Variants in LRTM1 observed in about 807,000 individuals in gnomAD.
LRTM1 encodes leucine-rich repeat and transmembrane domain-containing protein 1.
Under a neutral mutation model 32.4 loss-of-function variants are expected in LRTM1, and 38 were observed. The ratio of observed to expected loss-of-function variants is 1.17; its 90% CI spans 0.91 to 1.54. The LOEUF (loss-of-function observed/expected upper bound fraction) is 1.54, where lower values mean the gene tolerates loss of function less well. Ranked by LOEUF, LRTM1 falls within the 40% of genes most tolerant of loss-of-function variation. The pLI is 0.00. For missense variants in LRTM1, 466 were observed against 415.4 expected, an observed-to-expected ratio of 1.12 and a Z score of -1.06; for synonymous variants, 186 against 169.9, an observed-to-expected ratio of 1.09 and a Z score of -0.74.
intron 1 of LRTM1, among the ~76,000 whole-genome samples, chr3:54,945,568 G>A (rs1337712547): frequency 1.3e-5 from 2 of 152,094 alleles, no homozygotes; most frequent in Non-Finnish European, 2.9e-5. Flanking sequence ...CCACTTATTA[G>A]CACCATAACC....
chr3:54,936,331 G>T (rs2106969920), intron 1 of LRTM1, among the ~76,000 whole-genome samples: 1 of 152,258 alleles, frequency 6.6e-6, no homozygotes, highest in East Asian at 1.9e-4. Flanking sequence ...CGTGGACAGA[G>T]CTCCCCATCT....
At chr3:54,957,204 G>T (rs1701920666) in intron 1 of LRTM1, among the ~76,000 whole-genome samples, 2 of 151,794 alleles carry the variant, frequency 1.3e-5, no homozygotes, top group Admixed American at 6.6e-5. Flanking sequence ...CTGTCCCCCA[G>T]GCTGGAGTTC....
Position 54,919,041 on chromosome 3 carries a change from T to C in LRTM1, c.605-149A>G, listed in dbSNP as rs78292709. On this transcript the variant is annotated intron_variant, in intron 2 of 2. Transcript: ENST00000273286. ...GAGTCAAAGAATTTAACAACCATAT[T>C]TTATGATTTTAGGATTCCTAAATTG... The C allele has an allele frequency of 6.9e-3, 4,567 of 658,484 alleles. 137 individuals carry two copies. The African/African-American group carries it at 0.072, about 10-fold the overall frequency. 40.8% of individuals were successfully genotyped at this position (658,484 alleles called of 1,614,324 possible).
chr3:54,962,299 C>T (rs898287685), intron 1 of LRTM1, among the ~76,000 whole-genome samples: 2 of 152,164 alleles, frequency 1.3e-5, no homozygotes, highest in Non-Finnish European at 2.9e-5. Flanking sequence ...TGGCTGATAG[C>T]ATGATTTTGT....
At position 54,918,903 on chromosome 3, in the gene LRTM1, C is replaced by T; in HGVS notation, c.605-11G>A. The T allele has an allele frequency of 1.3e-6, 2 of 1,515,734 alleles. No homozygotes were observed. The allele number at this position is 1,515,734 out of a possible 1,614,324, so 93.9% of individuals were successfully genotyped here. A position where few individuals can be genotyped will look rare whatever the true frequency, so the allele number is the denominator to read the frequency against. On this transcript the variant is annotated splice_polypyrimidine_tract_variant and intron_variant, in intron 2 of 2. Coordinates refer to ENST00000273286, the MANE Select transcript of LRTM1 (RefSeq NM_020678.4). ...CGTCTGTTAGTCCCCCTTTAAAAAA[C>T]AAAAGCAAAGAACAATAACAAAGCC...
At chr3:54,962,283 C>T (rs775213440) in intron 1 of LRTM1, among the ~76,000 whole-genome samples, 1 of 152,128 alleles carries the variant, frequency 6.6e-6, no homozygotes, top group Non-Finnish European at 1.5e-5. Flanking sequence ...TCTCTAAGAG[C>T]CTGCTTGGCT....
intron 2 of LRTM1, 36 bp downstream of exon 2, chr3:54,924,583 C>T (rs1332563938): frequency 6.6e-7 from 1 of 1,510,206 alleles, no homozygotes; most frequent in Non-Finnish European, 9.2e-7. Flanking sequence ...AGGCTGGTAA[C>T]ACACAGATGG....
At chr3:54,925,359 C>T (rs898303039) in intron 1 of LRTM1, 144 bp from the exon 2 acceptor site, 18 of 664,176 alleles carry the variant, frequency 2.7e-5, no homozygotes, top group South Asian at 2.3e-4. Flanking sequence ...TGTCACTCAC[C>T]GTCTTTAGTA....
rs1033836857 is a variant in LRTM1 at position 54,943,292 on chromosome 3, C to G, written c.-221-18077G>C. Among the ~76,000 whole-genome samples the G allele has an allele frequency of 6.6e-5, 10 of 152,174 alleles. No individual in the cohort carries two copies. The South Asian group carries it at 2.1e-3, about 32-fold the overall frequency. ...CCATCATTCCCAACCCCTATTCTCA[C>G]TTCCTAGAGGCCACCACTTCCAACT... is the stretch of plus-strand genomic sequence containing the variant. On this transcript the variant is annotated intron_variant, in intron 1 of 2. Transcript: ENST00000493075.
At chr3:54,932,570 CTGAGT>C (rs1405999838), upstream of LRTM1, among the ~76,000 whole-genome samples, 1 of 152,212 alleles carries the variant, frequency 6.6e-6, no homozygotes, top group Non-Finnish European at 1.5e-5. Flanking sequence ...TAGTGACTGG[CTGAGT>C]TATCTGTGTA....
chr3:54,934,254 C>T (rs1279242658), intron 1 of LRTM1, among the ~76,000 whole-genome samples: 1 of 152,150 alleles, frequency 6.6e-6, no homozygotes, highest in East Asian at 1.9e-4. Flanking sequence ...TTACACAACC[C>T]ATTCTTTTGA....
chr3:54,928,059 C>T lies in LRTM1; in HGVS notation c.-148G>A. The T allele has an allele frequency of 2.8e-6, 2 of 717,154 alleles. No homozygotes were observed. The highest frequency in any genetic ancestry group is 2.5e-5 in the East Asian group (1 of 39,660). 44.4% of individuals were successfully genotyped at this position (717,154 alleles called of 1,614,324 possible). Reference sequence around the variant, plus strand: ...CCTTGCTTTTCTTCAATGCAGAAAACAGTTGTTGCTTTCAAAAGACCATTT... The same window carrying T: ...CCTTGCTTTTCTTCAATGCAGAAAATAGTTGTTGCTTTCAAAAGACCATTT... On this transcript the variant is annotated 5_prime_UTR_variant, in exon 1 of 3. Transcript: ENST00000273286.
chr3:54,947,032 A>G (rs1701633581), intron 1 of LRTM1, among the ~76,000 whole-genome samples: 1 of 152,222 alleles, frequency 6.6e-6, no homozygotes, highest in South Asian at 2.1e-4. Flanking sequence ...GTCATCAATA[A>G]TCTTTTCTGG....
At chr3:54,952,059 G>C (rs963200370) in intron 1 of LRTM1, among the ~76,000 whole-genome samples, 2 of 152,148 alleles carry the variant, frequency 1.3e-5, no homozygotes, top group Non-Finnish European at 2.9e-5. Context: ...ATGTTGGCCA[G>C]CTGCTCACAA....
At chr3:54,956,605 C>T (rs1669190976) in intron 1 of LRTM1, among the ~76,000 whole-genome samples, 1 of 152,078 alleles carries the variant, frequency 6.6e-6, no homozygotes, top group Non-Finnish European at 1.5e-5. Context: ...GTCATAAATT[C>T]CTGCTCATCC....
intron 1 of LRTM1, among the ~76,000 whole-genome samples, chr3:54,958,426 A>G (rs1168367743): frequency 6.6e-6 from 1 of 152,152 alleles, no homozygotes; most frequent in Non-Finnish European, 1.5e-5. Context: ...GGTCAAAGTC[A>G]GTTTATTCCC....
upstream of LRTM1, among the ~76,000 whole-genome samples, chr3:54,931,468 C>T (rs1316587604): frequency 6.6e-6 from 1 of 152,148 alleles, no homozygotes; most frequent in East Asian, 1.9e-4. Context: ...CCCTCCCTCC[C>T]GTGGTGAGCA....
At chr3:54,943,394 CCTTT>C (rs560025276) in intron 1 of LRTM1, among the ~76,000 whole-genome samples, 36 of 152,234 alleles carry the variant, frequency 2.4e-4, no homozygotes, top group African/African-American at 8.2e-4. Flanking sequence ...GTATTTACTT[CCTTT>C]AATACATGGT....
At chr3:54,951,934 C>T (rs1175810378) in intron 1 of LRTM1, among the ~76,000 whole-genome samples, 1 of 152,108 alleles carries the variant, frequency 6.6e-6, no homozygotes, top group Non-Finnish European at 1.5e-5. Context: ...CTGCAACCTC[C>T]CTACCCCAGG....
Sources: gnomAD v4.1 joint callset for allele counts (sites outside exome capture counted in the v4.1 genomes callset) on GRCh38, gnomAD v4.1.1 for gene constraint, MANE v1.5 for transcripts, NCBI Gene and HGNC (gene_info 2026-07-23, HGNC 2026-07-21) for gene names.